The following TMC1 variants were observed in gnomAD, a reference collection of about 807,000 sequenced individuals.
The protein encoded by TMC1 is transmembrane channel-like protein 1.
TMC1 carries 84 observed loss-of-function variants against 105.8 expected under a neutral mutation model. The observed-to-expected ratio is 0.79, with a 90% CI of 0.67 to 0.95. TMC1 has a LOEUF of 0.95. TMC1 is among the 40% of genes least tolerant of loss of function. The pLI, the probability that TMC1 is intolerant of heterozygous loss-of-function variation, is 0.00. For synonymous variants in TMC1, 315 were observed against 311.5 expected, an observed-to-expected ratio of 1.01 and a Z score of -0.12; for missense variants, 817 against 914.1, an observed-to-expected ratio of 0.89 and a Z score of 1.37.
At chr9:72,562,623 A>C (rs1004795586) in intron 1 of TMC1, among the ~76,000 whole-genome samples, 2 of 152,158 alleles carry the variant, frequency 1.3e-5, no homozygotes, top group African/African-American at 4.8e-5. Flanking sequence ...GGAAGATATA[A>C]CCTCATCTCT....
chr9:72,534,956 A>G (rs6560284), intron 1 of TMC1, among the ~76,000 whole-genome samples: 79,652 of 151,886 alleles, frequency 0.52, 21,828 homozygotes, highest in African/African-American at 0.69. Flanking sequence ...CATGATCACT[A>G]CTCTTACTTC....
At chr9:72,772,614 T>A in intron 13 of TMC1, 59 bp downstream of exon 13, 1 of 1,604,352 alleles carries the variant, frequency 6.2e-7, no homozygotes, top group Non-Finnish European at 8.5e-7. Flanking sequence ...AATGGAGGGA[T>A]TAATTTGGGG....
intron 5 of TMC1, among the ~76,000 whole-genome samples, chr9:72,670,746 T>G (rs1358017239): frequency 1.3e-5 from 2 of 152,156 alleles, no homozygotes; most frequent in Admixed American, 1.3e-4. Flanking sequence ...AATTACAATA[T>G]CTGAGATGAA....
intron 4 of TMC1, among the ~76,000 whole-genome samples, chr9:72,641,364 A>C (rs1825623898): frequency 6.6e-6 from 1 of 152,244 alleles, no homozygotes; most frequent in African/African-American, 2.4e-5. Context: ...AAATGCTGGG[A>C]TAGCAGGCGT....
chr9:72,737,641 T>A (rs963224296), intron 8 of TMC1, among the ~76,000 whole-genome samples: 11 of 152,090 alleles, frequency 7.2e-5, no homozygotes, highest in Admixed American at 5.9e-4. Context: ...CTTGCTTGAT[T>A]TTCTGCTTAG....
intron 2 of TMC1, among the ~76,000 whole-genome samples, chr9:72,600,899 A>G (rs750732811): frequency 1.3e-5 from 2 of 152,204 alleles, no homozygotes; most frequent in Non-Finnish European, 2.9e-5. Flanking sequence ...GAGAACTGGC[A>G]TTTCTGACAA....
intron 19 of TMC1, among the ~76,000 whole-genome samples, 164 bp downstream of exon 19, chr9:72,816,374 C>G (rs1335901877): frequency 6.6e-6 from 1 of 152,144 alleles, no homozygotes; most frequent in Admixed American, 6.6e-5. Flanking sequence ...TCTTTCATAT[C>G]TTAAATGTCA....
At position 72,835,963 on chromosome 9, in the gene TMC1, GT is replaced by G. The variant is rs1829120122; in HGVS notation, c.2274del (p.Arg759AlafsTer42). The G allele has an allele frequency of 6.3e-7, 1 of 1,586,992 alleles. No individual in the cohort carries two copies. Among genetic ancestry groups the G allele is most frequent in the Admixed American group, 1.7e-5 (1 of 58,996 alleles). On this transcript the variant is annotated frameshift_variant, in exon 24 of 24. Transcript: ENST00000297784. LOFTEE classifies it high-confidence loss of function. Reference protein sequence around the residue: ...MAAARAAAAAGRQ With the variant: ...MAAARAAAAAXRQ ...GTTTTGTGAACAGCTGCAGCTGCTG[GT>G]CGCCAGTAATAAGTATCCTGAGAGC... is the stretch of plus-strand genomic sequence containing the variant.
rs774287432 is a variant in TMC1, at chr9:72,830,402, G to T, written c.2130-49G>T. The T allele has an allele frequency of 4.8e-6, 6 of 1,251,354 alleles. No individual in the cohort carries two copies. The South Asian group carries it at 7.3e-5, about 15-fold the overall frequency. 77.5% of individuals were successfully genotyped at this position (1,251,354 alleles called of 1,614,324 possible). On this transcript the variant is annotated intron_variant, in intron 21 of 23. Transcript: ENST00000297784. ...TTAATGTAAATTTAAGAAGTATCTT[G>T]GGGAACTGAAATATACCTTACACTG...
At chr9:72,645,258 G>T (rs1399417273) in intron 4 of TMC1, among the ~76,000 whole-genome samples, 2 of 152,156 alleles carry the variant, frequency 1.3e-5, no homozygotes, top group Non-Finnish European at 2.9e-5. Context: ...ATTGGCCAAA[G>T]TTTCCACTCT....
chr9:72,623,051 C>CAA (rs10644935), intron 3 of TMC1, among the ~76,000 whole-genome samples: 7,741 of 129,160 alleles, frequency 0.06, 272 homozygotes, highest in Middle Eastern at 0.069. Context: ...GACTCCATCT[C>CAA]AAAAAAAAAA....
In TMC1 at chr9:72,836,197, C is replaced by G. The variant is rs1427231495; in HGVS notation, c.*224C>G. 1.7e-6 allele frequency: 1 copy of G among 600,438 alleles called. No homozygotes were observed. The highest frequency in any genetic ancestry group is 2.8e-5 in the East Asian group (1 of 35,982). 37.2% of individuals were successfully genotyped at this position (600,438 alleles called of 1,614,324 possible). On this transcript the variant is annotated 3_prime_UTR_variant, in exon 24 of 24. Coordinates refer to ENST00000297784, the MANE Select transcript of TMC1 (RefSeq NM_138691.3). ...CAGAAACTGTTTCTGCAGAGCCACT[C>G]TCTCCCCTGCTCCATTTCGTGACTT...
intron 12 of TMC1, among the ~76,000 whole-genome samples, chr9:72,759,516 A>G (rs1179891080): frequency 6.6e-6 from 1 of 152,122 alleles, no homozygotes; most frequent in African/African-American, 2.4e-5. Context: ...TAATTTACAG[A>G]TGGAGAGACT....
In TMC1 at chr9:72,541,943, G is replaced by T. The variant is rs145594108; in HGVS notation, c.-428+20030G>T. On this transcript the variant is annotated intron_variant, in intron 1 of 23. Coordinates refer to ENST00000297784, the MANE Select transcript of TMC1 (RefSeq NM_138691.3). ...AAACTGAAAGAGGATGTAAGAGAAAGGATTGTTAAAAAACAAAAACAAAAA... is the reference window on the plus strand; with the variant it reads ...AAACTGAAAGAGGATGTAAGAGAAATGATTGTTAAAAAACAAAAACAAAAA... Among the ~76,000 whole-genome samples the T allele has an allele frequency of 4.1e-3, 627 of 151,894 alleles. 5 individuals carry two copies. Among genetic ancestry groups the T allele is most frequent in the African/African-American group, 0.014 (596 of 41,412 alleles).
At chr9:72,710,770 A>T (rs1826821828) in intron 8 of TMC1, among the ~76,000 whole-genome samples, 1 of 152,088 alleles carries the variant, frequency 6.6e-6, no homozygotes, top group Non-Finnish European at 1.5e-5. Flanking sequence ...GACAGCAGAT[A>T]CTTAGTTGGT....
chr9:72,538,510 C>T (rs1217801101), intron 1 of TMC1, among the ~76,000 whole-genome samples: 2 of 152,148 alleles, frequency 1.3e-5, no homozygotes, highest in East Asian at 1.9e-4. Context: ...GATCTCGGCT[C>T]ACTGTAACCT....
At chr9:72,635,604 A>T (rs564694615) in intron 4 of TMC1, among the ~76,000 whole-genome samples, 1 of 152,344 alleles carries the variant, frequency 6.6e-6, no homozygotes, top group South Asian at 2.1e-4. Context: ...ATTTAAAATG[A>T]TAAGTCAGTC....
At chr9:72,525,373 A>ATCTGGTTC (rs1823387993) in intron 1 of TMC1, among the ~76,000 whole-genome samples, 1 of 152,196 alleles carries the variant, frequency 6.6e-6, no homozygotes, top group African/African-American at 2.4e-5. Context: ...TCATTGGCTA[A>ATCTGGTTC]AAAGTGAACC....
chr9:72,737,427 T>G (rs973340319), intron 8 of TMC1, among the ~76,000 whole-genome samples: 3 of 152,210 alleles, frequency 2.0e-5, no homozygotes, highest in African/African-American at 4.8e-5. Context: ...CCTGACCATT[T>G]GTTTGTTTTC....
Sources: gnomAD v4.1 joint callset for allele counts (sites outside exome capture counted in the v4.1 genomes callset) on GRCh38, gnomAD v4.1.1 for gene constraint, MANE v1.5 for transcripts, NCBI Gene and HGNC (gene_info 2026-07-23, HGNC 2026-07-21) for gene names.